The following ADGB variants were observed in gnomAD, a reference collection of about 807,000 sequenced individuals.
ADGB encodes the protein androglobin, also known as calpain-7-like protein.
In ADGB, 172 loss-of-function variants were observed where a neutral mutation model predicts 210.5. The observed-to-expected ratio is 0.82, with a 90% CI of 0.72 to 0.93. The LOEUF (loss-of-function observed/expected upper bound fraction) is 0.93, where lower values mean the gene tolerates loss of function less well. Ranked by LOEUF, ADGB falls within the 40% of genes least tolerant of loss-of-function variation. ADGB has a pLI of 0.00. For missense variants in ADGB, 2,025 were observed against 1,964.8 expected (o/e 1.03, Z -0.58); for synonymous variants, 658 against 662.7 (o/e 0.99, Z 0.11).
At chr6:146,736,410 C>T (rs1329966906) in intron 22 of ADGB, 88 bp from the exon 23 acceptor site, 1 of 862,316 alleles carries the variant, frequency 1.2e-6, no homozygotes, top group Non-Finnish European at 1.7e-6. Flanking sequence ...TGAGTTTCAA[C>T]TTCATTTGTG....
chr6:146,649,160 GTT>G (rs567600494), intron 3 of ADGB, among the ~76,000 whole-genome samples: 4 of 125,998 alleles, frequency 3.2e-5, no homozygotes, highest in Admixed American at 8.0e-5. Flanking sequence ...TTAAAGTTTT[GTT>G]TTTTTTTTTT....
intron 12 of ADGB, among the ~76,000 whole-genome samples, chr6:146,694,611 C>T (rs545996341): frequency 6.6e-6 from 1 of 152,148 alleles, no homozygotes; most frequent in East Asian, 1.9e-4. Flanking sequence ...GTAAATTCAT[C>T]CAGTTCTTCC....
At chr6:146,675,884 CTG>C (rs541042079) in intron 8 of ADGB, among the ~76,000 whole-genome samples, 133 of 152,260 alleles carry the variant, frequency 8.7e-4, no homozygotes, top group Admixed American at 1.6e-3. Context: ...AGTCAGAAAA[CTG>C]TGTTTCCTGT....
At chr6:146,757,915 G>C (rs1400031248) in intron 27 of ADGB, among the ~76,000 whole-genome samples, 2 of 152,044 alleles carry the variant, frequency 1.3e-5, no homozygotes, top group Non-Finnish European at 2.9e-5. Flanking sequence ...ACTTTGAGGA[G>C]AATTGAAGAA....
At chr6:146,646,869 A>G (rs1775623402) in intron 3 of ADGB, among the ~76,000 whole-genome samples, 1 of 152,082 alleles carries the variant, frequency 6.6e-6, no homozygotes, top group Non-Finnish European at 1.5e-5. Flanking sequence ...CAGGTGGATC[A>G]TTTAAGGCCA....
chr6:146,608,008 C>T (rs909299592), intron 1 of ADGB, among the ~76,000 whole-genome samples: 2 of 152,116 alleles, frequency 1.3e-5, no homozygotes, highest in African/African-American at 2.4e-5. Flanking sequence ...TAGAATTCTG[C>T]AGTGAATCCA....
At position 146,686,566 on chromosome 6, in the gene ADGB, A is replaced by G. The variant is rs576122483; in HGVS notation, c.1311+738A>G. Among the ~76,000 whole-genome samples, 5 of 152,210 alleles carry G rather than the reference A, an allele frequency of 3.3e-5. No homozygotes were observed. In the East Asian group the frequency reaches 9.6e-4, roughly 29 times the overall value. Reference sequence around the variant, plus strand: ...TTTTCATGATGTTAAATTTTAATCAATATGTTTAGTGCTTGCGTAGTATTT... The same window carrying G: ...TTTTCATGATGTTAAATTTTAATCAGTATGTTTAGTGCTTGCGTAGTATTT... On this transcript the variant is annotated intron_variant, in intron 10 of 35. Coordinates refer to ENST00000397944, the MANE Select transcript of ADGB (RefSeq NM_024694.4).
intron 13 of ADGB, among the ~76,000 whole-genome samples, 156 bp from the exon 14 acceptor site, chr6:146,715,226 T>G (rs1776715813): frequency 6.6e-6 from 1 of 152,228 alleles, no homozygotes. Flanking sequence ...ACATTTAAAG[T>G]TAAAAACAAA....
rs555577192 is a variant in ADGB, at chr6:146,803,811, G to A, written c.4818+1800G>A. The A allele has an allele frequency of 1.1e-4, 58 of 522,262 alleles. No homozygotes were observed. The South Asian group carries it at 1.4e-3, about 13-fold the overall frequency. 32.4% of individuals were successfully genotyped at this position (522,262 alleles called of 1,614,324 possible). A position where few individuals can be genotyped will look rare whatever the true frequency, so the allele number is the denominator to read the frequency against. On this transcript the variant is annotated intron_variant, in intron 35 of 35. Coordinates refer to ENST00000397944, the MANE Select transcript of ADGB (RefSeq NM_024694.4). ...GCCTAGAGCGTCCCTCGGCTTCTGG[G>A]CCGAGTCCCACTCAGGGCCATTCAA...
intron 29 of ADGB, among the ~76,000 whole-genome samples, chr6:146,775,433 A>T (rs1236424441): frequency 6.6e-6 from 1 of 152,156 alleles, no homozygotes; most frequent in Non-Finnish European, 1.5e-5. Flanking sequence ...AGTTTTGGTA[A>T]AAACTGCTTA....
chr6:146,689,836 G>C (rs1287169730), intron 10 of ADGB, among the ~76,000 whole-genome samples: 1 of 152,076 alleles, frequency 6.6e-6, no homozygotes, highest in Non-Finnish European at 1.5e-5. Flanking sequence ...TCAAGTTATA[G>C]AAAAAGGTTT....
chr6:146,618,657 A>G (rs1780838958), intron 1 of ADGB, among the ~76,000 whole-genome samples: 2 of 151,246 alleles, frequency 1.3e-5, no homozygotes, highest in South Asian at 2.1e-4. Flanking sequence ...GAATTTTTAC[A>G]GTTTCCAGCA....
At chr6:146,764,427 C>T (rs1777544603) in intron 28 of ADGB, among the ~76,000 whole-genome samples, 1 of 151,842 alleles carries the variant, frequency 6.6e-6, no homozygotes, top group Middle Eastern at 3.2e-3. Flanking sequence ...ATAAATGTCA[C>T]ATATTAAAGG....
At position 146,802,019 on chromosome 6, in the gene ADGB, T is replaced by C. The variant is rs1778142940; in HGVS notation, c.4818+8T>C. 1.3e-6 allele frequency: 2 copies of C among 1,518,930 alleles called. No homozygotes were observed. Among genetic ancestry groups the C allele is most frequent in the East Asian group, 5.2e-5 (2 of 38,550 alleles). The allele number at this position is 1,518,930 out of a possible 1,614,324, so 94.1% of individuals were successfully genotyped here. On this transcript the variant is annotated splice_region_variant and intron_variant, in intron 35 of 35. Coordinates refer to ENST00000397944, the MANE Select transcript of ADGB (RefSeq NM_024694.4). ...ATGTATAAGGAAATGCAGGTGAGTC[T>C]AAAAGCACATACATAGATTATAGTT...
chr6:146,713,058 G>C (rs1776682130), intron 13 of ADGB, among the ~76,000 whole-genome samples: 1 of 152,122 alleles, frequency 6.6e-6, no homozygotes, highest in Non-Finnish European at 1.5e-5. Context: ...AATGTTCTCA[G>C]GTTTCACCCG....
chr6:146,810,859 CT>C (rs1337651709), intron 35 of ADGB, among the ~76,000 whole-genome samples: 1 of 152,060 alleles, frequency 6.6e-6, no homozygotes, highest in Non-Finnish European at 1.5e-5. Flanking sequence ...CTGACAAATT[CT>C]GTGTATTTCA....
At chr6:146,695,358 T>C (rs573135573) in intron 12 of ADGB, among the ~76,000 whole-genome samples, 9 of 152,292 alleles carry the variant, frequency 5.9e-5, no homozygotes, top group African/African-American at 2.2e-4. Flanking sequence ...GCTTTGTATA[T>C]ACTTATAATA....
chr6:146,753,403 A>G (rs1270817413), intron 27 of ADGB, among the ~76,000 whole-genome samples: 3 of 152,016 alleles, frequency 2.0e-5, no homozygotes, highest in Non-Finnish European at 4.4e-5. Flanking sequence ...TATTTTGCCC[A>G]TTGATATTTC....
chr6:146,782,040 G>A lies in ADGB; in HGVS notation c.3883G>A (p.Glu1295Lys), dbSNP rs768893591. The A allele has an allele frequency of 2.7e-5, 41 of 1,500,658 alleles. 2 individuals carry two copies. The South Asian group carries it at 5.5e-4, about 20-fold the overall frequency. 93.0% of individuals were successfully genotyped at this position (1,500,658 alleles called of 1,614,324 possible). Reference protein sequence around the residue: ...NTKAYGERHEELINLGSPDSH... With the variant: ...NTKAYGERHEKLINLGSPDSH... ...TCTAGCTTATGGTGAAAGACACGAG[G>A]AGTTAATTAACTTAGGAAGCCCAGA... Residue 1295 changes from glutamate to lysine, a missense_variant, in exon 30 of 36, where the codon GAG becomes AAG. Coordinates refer to ENST00000397944, the MANE Select transcript of ADGB (RefSeq NM_024694.4).
Sources: gnomAD v4.1 joint callset for allele counts (sites outside exome capture counted in the v4.1 genomes callset) on GRCh38, gnomAD v4.1.1 for gene constraint, MANE v1.5 for transcripts, NCBI Gene and HGNC (gene_info 2026-07-23, HGNC 2026-07-21) for gene names.